The following NRCAM variants were observed in gnomAD, a reference collection of about 807,000 sequenced individuals.
NRCAM encodes the protein neuronal cell adhesion molecule, also known as NgCAM-related cell adhesion molecule.
In NRCAM, 83 loss-of-function variants were observed where a neutral mutation model predicts 156.5. The ratio of observed to expected loss-of-function variants is 0.53; its 90% CI spans 0.44 to 0.64. The LOEUF is 0.64. NRCAM is among the 30% of genes least tolerant of loss of function. NRCAM has a pLI of 0.00. For synonymous variants in NRCAM, 538 were observed against 563.9 expected, an observed-to-expected ratio of 0.95 and a Z score of 0.65; for missense variants, 1,417 against 1,597.3, an observed-to-expected ratio of 0.89 and a Z score of 1.92.
chr7:108,323,349 C>T (rs1413892211), intron 2 of NRCAM, among the ~76,000 whole-genome samples: 2 of 152,170 alleles, frequency 1.3e-5, no homozygotes, highest in Non-Finnish European at 2.9e-5. Flanking sequence ...TCATTATTCT[C>T]CATTGCAATT....
At chr7:108,211,334 A>G (rs368099156) in intron 11 of NRCAM, among the ~76,000 whole-genome samples, 98 of 152,262 alleles carry the variant, frequency 6.4e-4, no homozygotes, top group Middle Eastern at 3.4e-3. Flanking sequence ...AGGGAGAAGG[A>G]AGTCTCCAGC....
chr7:108,174,443 C>T (rs920813224), intron 28 of NRCAM, among the ~76,000 whole-genome samples: 4 of 152,234 alleles, frequency 2.6e-5, no homozygotes, highest in Non-Finnish European at 2.9e-5. Context: ...ACCTGATGTG[C>T]GAAAGCCCCT....
At chr7:108,174,839 A>T (rs2059878155) in intron 28 of NRCAM, among the ~76,000 whole-genome samples, 1 of 152,256 alleles carries the variant, frequency 6.6e-6, no homozygotes, top group Non-Finnish European at 1.5e-5. Context: ...GGGCATTGCT[A>T]CGCTGTAATT....
chr7:108,234,720 AC>A (rs984200994), intron 5 of NRCAM, 32 bp from the exon 6 acceptor site: 10 of 1,472,750 alleles, frequency 6.8e-6, no homozygotes, highest in South Asian at 3.5e-5. Flanking sequence ...ATGTAAAAAA[AC>A]AAATTATTTA....
At chr7:108,168,466 A>G in intron 28 of NRCAM, 64 bp from the exon 29 acceptor site, 1 of 1,321,974 alleles carries the variant, frequency 7.6e-7, no homozygotes, top group Non-Finnish European at 1.0e-6. Flanking sequence ...ACGAATATAA[A>G]ATAAGTTTAA....
intron 1 of NRCAM, among the ~76,000 whole-genome samples, chr7:108,416,841 C>T (rs767536242): frequency 6.6e-6 from 1 of 152,206 alleles, no homozygotes; most frequent in Non-Finnish European, 1.5e-5. Context: ...ATGGATCTTA[C>T]TAACCCTTCT....
At chr7:108,340,503 C>T (rs2099263839) in intron 2 of NRCAM, among the ~76,000 whole-genome samples, 1 of 152,106 alleles carries the variant, frequency 6.6e-6, no homozygotes, top group Non-Finnish European at 1.5e-5. Context: ...GAGAGTTTGG[C>T]GATCTCTGGT....
rs375273367 is a variant in NRCAM at position 108,194,065 on chromosome 7, G to C, written c.1737C>G (p.Val579=). 1 of 1,614,142 alleles carries C rather than the reference G, an allele frequency of 6.2e-7. No individual in the cohort carries two copies. The highest frequency in any genetic ancestry group is 8.5e-7 in the Non-Finnish European group (1 of 1,179,992). The change falls in exon 17 of 33, where the codon GTC becomes GTG. Residue 579 remains valine (V), a synonymous_variant. Coordinates refer to ENST00000379028, the MANE Select transcript of NRCAM (RefSeq NM_001037132.4). ...VKHDHTLSLT[V]LWLKDNRELP... is the part of the protein sequence containing the mutation. ...GTTCCCTGTTGTCCTTCAGCCACAG[G>C]ACAGTGAGGGATAAGGTGTGATCAT... is the stretch of plus-strand genomic sequence containing the variant.
intron 2 of NRCAM, among the ~76,000 whole-genome samples, chr7:108,380,321 T>C (rs547161589): frequency 4.4e-4 from 67 of 152,326 alleles, no homozygotes; most frequent in African/African-American, 1.4e-3. Flanking sequence ...TCTATTATTT[T>C]ATCTCTCTGT....
At chr7:108,433,419 G>A (rs1828175595) in intron 1 of NRCAM, among the ~76,000 whole-genome samples, 1 of 152,128 alleles carries the variant, frequency 6.6e-6, no homozygotes, top group African/African-American at 2.4e-5. Context: ...AGTGTGGTTT[G>A]GGAGACCAGC....
At chr7:108,254,850 T>A (rs1363262328) in intron 3 of NRCAM, among the ~76,000 whole-genome samples, 2 of 152,146 alleles carry the variant, frequency 1.3e-5, no homozygotes, top group Admixed American at 1.3e-4. Flanking sequence ...ATGCCCAACC[T>A]GGCAATTTCT....
At chr7:108,437,771 G>C (rs1833960257) in intron 1 of NRCAM, among the ~76,000 whole-genome samples, 1 of 152,044 alleles carries the variant, frequency 6.6e-6, no homozygotes, top group African/African-American at 2.4e-5. Context: ...GCACTAAATG[G>C]AGTATTCATA....
intron 32 of NRCAM, among the ~76,000 whole-genome samples, chr7:108,155,546 A>T (rs1342803123): frequency 6.6e-6 from 1 of 152,008 alleles, no homozygotes; most frequent in Non-Finnish European, 1.5e-5. Flanking sequence ...TATGCTGCCC[A>T]CCTGGCTTTA....
At position 108,232,479 on chromosome 7, in the gene NRCAM, C is replaced by A. The variant is rs970202369; in HGVS notation, c.274G>T (p.Asp92Tyr). Residue 92 changes from aspartate to tyrosine, a missense_variant, in exon 7 of 33, where the codon GAC (aspartate) becomes TAC (tyrosine). Around this residue, in one of 2 missense-constraint regions of NRCAM, gnomAD observed 1,238 missense variants for 1,336.4 expected, o/e 0.93. Transcript: ENST00000379028. ...CCAGGCTTCATGGTGACCAGAGGGT[C>A]TTTATCGATGTCAAAATGAGTCCCA... ...RNGTHFDIDK[D>Y]PLVTMKPGTG... 22 of 1,612,972 alleles carry A rather than the reference C, an allele frequency of 1.4e-5. No individual in the cohort carries two copies. Among genetic ancestry groups the A allele is most frequent in the Non-Finnish European group, 1.9e-5 (22 of 1,179,610 alleles).
chr7:108,182,547 C>G, intron 23 of NRCAM, 148 bp downstream of exon 23: 1 of 670,202 alleles, frequency 1.5e-6, no homozygotes, highest in Non-Finnish European at 2.6e-6. Context: ...ACTTCTCTTT[C>G]TTACACAGCA....
chr7:108,305,363 T>G (rs775557483), intron 3 of NRCAM, among the ~76,000 whole-genome samples: 3 of 152,236 alleles, frequency 2.0e-5, no homozygotes, highest in Non-Finnish European at 4.4e-5. Context: ...TTGAATCATT[T>G]AAATATGGTA....
intron 13 of NRCAM, among the ~76,000 whole-genome samples, chr7:108,201,338 T>C (rs1168868720): frequency 6.6e-6 from 1 of 152,188 alleles, no homozygotes; most frequent in Non-Finnish European, 1.5e-5. Flanking sequence ...CTGTGTATTT[T>C]AGACTGTGAT....
intron 2 of NRCAM, among the ~76,000 whole-genome samples, chr7:108,348,990 A>G (rs2099391164): frequency 6.6e-6 from 1 of 151,968 alleles, no homozygotes; most frequent in Admixed American, 6.6e-5. Flanking sequence ...ATGTATTGGC[A>G]AGACAGGATT....
intron 25 of NRCAM, among the ~76,000 whole-genome samples, chr7:108,179,323 G>A (rs1254106358): frequency 6.6e-6 from 1 of 152,110 alleles, no homozygotes; most frequent in Non-Finnish European, 1.5e-5. Context: ...ACAATGAGAT[G>A]GGAGCTGGGA....
Sources: gnomAD v4.1 joint callset for allele counts (sites outside exome capture counted in the v4.1 genomes callset) on GRCh38, gnomAD v4.1.1 for gene constraint, gnomAD v4.1.1 regional missense constraint, MANE v1.5 for transcripts, NCBI Gene and HGNC (gene_info 2026-07-23, HGNC 2026-07-21) for gene names.